Variants in UGGT2 observed in about 807,000 individuals in gnomAD.
UGGT2 encodes the protein UDP-glucose glycoprotein glucosyltransferase 2, also known as UDP-glucose:glycoprotein glucosyltransferase 2.
UGGT2 carries 180 observed loss-of-function variants against 192.1 expected under a neutral mutation model. The ratio of observed to expected loss-of-function variants is 0.94; its 90% CI spans 0.83 to 1.06. The LOEUF is 1.06. UGGT2 is among the 50% of genes least tolerant of loss of function. The probability of loss-of-function intolerance (pLI) is 0.00; values close to 1 mark genes in which losing one functional copy is unlikely to be tolerated. For missense variants in UGGT2, 1,849 were observed against 1,795.7 expected (o/e 1.03, Z -0.54); for synonymous variants, 580 against 591.0 (o/e 0.98, Z 0.27).
intron 38 of UGGT2, among the ~76,000 whole-genome samples, chr13:95,818,627 G>A (rs1885170327): frequency 6.6e-6 from 1 of 152,144 alleles, no homozygotes; most frequent in Non-Finnish European, 1.5e-5. Context: ...TCTTCCAGAA[G>A]AGCAAGAGCC....
chr13:96,023,283 A>C (rs1478810273), intron 3 of UGGT2, 131 bp from the exon 4 acceptor site: 1 of 685,590 alleles, frequency 1.5e-6, no homozygotes, highest in Admixed American at 3.9e-5. Context: ...TAAAGTAAAA[A>C]AACATCTATA....
At chr13:95,892,628 T>G (rs928981935) in intron 24 of UGGT2, among the ~76,000 whole-genome samples, 4 of 152,194 alleles carry the variant, frequency 2.6e-5, no homozygotes, top group Non-Finnish European at 5.9e-5. Context: ...GTTATGATAC[T>G]GTTAACCTAT....
intron 5 of UGGT2, among the ~76,000 whole-genome samples, chr13:96,000,669 A>G (rs970011688): frequency 6.6e-6 from 1 of 152,248 alleles, no homozygotes; most frequent in African/African-American, 2.4e-5. Flanking sequence ...GTTATAGTTC[A>G]TAAAAGAAAT....
intron 2 of UGGT2, among the ~76,000 whole-genome samples, chr13:96,024,071 TAA>T (rs2052595103): frequency 6.6e-6 from 1 of 152,226 alleles, no homozygotes; most frequent in Admixed American, 6.5e-5. Flanking sequence ...GGATAAGATA[TAA>T]GTCCTACCTA....
At chr13:95,977,621 T>C (rs559741312) in intron 10 of UGGT2, among the ~76,000 whole-genome samples, 1 of 152,364 alleles carries the variant, frequency 6.6e-6, no homozygotes, top group African/African-American at 2.4e-5. Flanking sequence ...TAAACCATTG[T>C]AGAAGACAGT....
intron 20 of UGGT2, among the ~76,000 whole-genome samples, chr13:95,908,311 T>C (rs578187217): frequency 2.0e-5 from 3 of 152,342 alleles, no homozygotes. Context: ...TGGAACCATG[T>C]TGGAAAACAC....
intron 12 of UGGT2, among the ~76,000 whole-genome samples, chr13:95,957,871 T>C (rs2050258449): frequency 6.6e-6 from 1 of 152,206 alleles, no homozygotes; most frequent in Admixed American, 6.5e-5. Context: ...TTAAGATTAC[T>C]TACAAGGTCA....
rs369286714 is a variant in UGGT2, at chr13:95,853,667, T to A, written c.4170-10A>T. 9.8e-6 allele frequency: 15 copies of A among 1,532,182 alleles called. No homozygotes were observed. In the African/African-American group the frequency reaches 1.8e-4, roughly 19 times the overall value. The allele number at this position is 1,532,182 out of a possible 1,614,324, so 94.9% of individuals were successfully genotyped here. A position where few individuals can be genotyped will look rare whatever the true frequency, so the allele number is the denominator to read the frequency against. ...CACTACATATAAAGCACTGCAAAAA[T>A]GAATTACTTCTTGATAGCCTATGTT... On this transcript the variant is annotated splice_polypyrimidine_tract_variant and intron_variant, in intron 35 of 38. Transcript: ENST00000376747.
At chr13:96,004,722 GA>G (rs945613964) in intron 5 of UGGT2, among the ~76,000 whole-genome samples, 1 of 133,298 alleles carries the variant, frequency 7.5e-6, no homozygotes, top group Non-Finnish European at 1.5e-5. Context: ...AAAAAGAACA[GA>G]AAAAAATGTA....
chr13:95,880,813 A>C (rs1192621957), intron 27 of UGGT2, among the ~76,000 whole-genome samples: 1 of 152,148 alleles, frequency 6.6e-6, no homozygotes, highest in Non-Finnish European at 1.5e-5. Flanking sequence ...TTAGTTACTA[A>C]GGTTAATCTC....
At chr13:95,908,102 G>A (rs1387965072) in intron 20 of UGGT2, among the ~76,000 whole-genome samples, 1 of 152,182 alleles carries the variant, frequency 6.6e-6, no homozygotes, top group Non-Finnish European at 1.5e-5. Flanking sequence ...CGTGACACAT[G>A]CACAAGCTTC....
chr13:95,821,493 G>A (rs1247960072), intron 38 of UGGT2, among the ~76,000 whole-genome samples: 1 of 152,060 alleles, frequency 6.6e-6, no homozygotes, highest in African/African-American at 2.4e-5. Flanking sequence ...TTTGTTAGAT[G>A]CATAGTTCAC....
intron 38 of UGGT2, among the ~76,000 whole-genome samples, chr13:95,830,960 G>C (rs1886610783): frequency 1.3e-5 from 2 of 152,130 alleles, no homozygotes; most frequent in Non-Finnish European, 2.9e-5. Flanking sequence ...AAAAAAGGAT[G>C]AGTTCATGTC....
At chr13:95,874,490 T>C (rs1327530290) in intron 29 of UGGT2, among the ~76,000 whole-genome samples, 3 of 152,128 alleles carry the variant, frequency 2.0e-5, no homozygotes, top group African/African-American at 7.2e-5. Flanking sequence ...AAAGGAATGA[T>C]TTTCCAGGTG....
intron 36 of UGGT2, among the ~76,000 whole-genome samples, chr13:95,853,159 G>A (rs112659005): frequency 2.6e-5 from 4 of 152,168 alleles, no homozygotes; most frequent in African/African-American, 7.2e-5. Flanking sequence ...TTCCCCTTCC[G>A]CCATGATTGT....
At chr13:95,938,898 T>C (rs1297677235) in intron 16 of UGGT2, among the ~76,000 whole-genome samples, 3 of 152,178 alleles carry the variant, frequency 2.0e-5, no homozygotes, top group African/African-American at 7.2e-5. Flanking sequence ...TCTCACCTTA[T>C]GTTTCCTAAT....
intron 22 of UGGT2, among the ~76,000 whole-genome samples, 153 bp downstream of exon 22, chr13:95,900,654 T>C (rs1358817712): frequency 6.6e-6 from 1 of 152,158 alleles, no homozygotes; most frequent in Non-Finnish European, 1.5e-5. Flanking sequence ...CATGACCCCA[T>C]TTTATTTATG....
At chr13:96,052,753 T>G (rs1197508736) in intron 1 of UGGT2, among the ~76,000 whole-genome samples, 1 of 152,200 alleles carries the variant, frequency 6.6e-6, no homozygotes, top group Non-Finnish European at 1.5e-5. Flanking sequence ...GAAGCTGCCC[T>G]CCCCATAGTA....
chr13:95,979,908 A>T (rs2051062554), intron 10 of UGGT2, among the ~76,000 whole-genome samples: 1 of 152,214 alleles, frequency 6.6e-6, no homozygotes, highest in African/African-American at 2.4e-5. Context: ...AACATCACTA[A>T]GTATCAGAGA....
Sources: gnomAD v4.1 joint callset for allele counts (sites outside exome capture counted in the v4.1 genomes callset) on GRCh38, gnomAD v4.1.1 for gene constraint, MANE v1.5 for transcripts, NCBI Gene and HGNC (gene_info 2026-07-23, HGNC 2026-07-21) for gene names.